The following MAGI3 variants were observed in gnomAD, a reference collection of about 807,000 sequenced individuals.
The protein encoded by MAGI3 is membrane associated guanylate kinase, WW and PDZ domain containing 3, also known as membrane-associated guanylate kinase, WW and PDZ domain-containing protein 3.
In MAGI3, 43 loss-of-function variants were observed where a neutral mutation model predicts 121.8. The ratio of observed to expected loss-of-function variants is 0.35; its 90% CI spans 0.28 to 0.46. The LOEUF (loss-of-function observed/expected upper bound fraction) is 0.46. Ranked by LOEUF, MAGI3 falls within the 20% of genes least tolerant of loss-of-function variation. MAGI3 has a pLI of 1.00. For synonymous variants in MAGI3, 553 were observed against 639.3 expected, an observed-to-expected ratio of 0.86 and a Z score of 2.04; for missense variants, 1,547 against 1,797.3, an observed-to-expected ratio of 0.86 and a Z score of 2.52.
At chr1:113,580,907 C>T (rs934282915) in intron 3 of MAGI3, 7 of 246,300 alleles carry the variant, frequency 2.8e-5, no homozygotes, top group African/African-American at 1.6e-4. Flanking sequence ...ATCAGCCAGA[C>T]TGGCCAGTTT....
intron 19 of MAGI3, among the ~76,000 whole-genome samples, chr1:113,676,036 T>TTC (rs144677656): frequency 3.3e-5 from 5 of 150,006 alleles, no homozygotes; most frequent in East Asian, 2.0e-4. Context: ...CTATCTTCTC[T>TTC]TCTCTCTCTC....
intron 9 of MAGI3, among the ~76,000 whole-genome samples, chr1:113,630,855 CA>C (rs1469546459): frequency 1.3e-5 from 2 of 152,154 alleles, no homozygotes; most frequent in Non-Finnish European, 1.5e-5. Flanking sequence ...TCGTAGGTTG[CA>C]GTCAGGTGTC....
At chr1:113,550,382 G>C (rs544205866) in intron 2 of MAGI3, among the ~76,000 whole-genome samples, 67 of 150,800 alleles carry the variant, frequency 4.4e-4, no homozygotes, top group Non-Finnish European at 8.1e-4. Context: ...CGCCACTGCA[G>C]TCCGGCCTGG....
intron 1 of MAGI3, among the ~76,000 whole-genome samples, chr1:113,464,952 TCTTTGCTTTGTGGTTGTTTC>T (rs1430083607): frequency 6.6e-6 from 1 of 152,180 alleles, no homozygotes; most frequent in Non-Finnish European, 1.5e-5. Context: ...GTGGGTTGTC[TCTTTGCTTTGTGGTTGTTTC>T]CTTTGCTGTC....
chr1:113,594,053 G>A (rs1002926732), intron 5 of MAGI3, among the ~76,000 whole-genome samples: 9 of 152,104 alleles, frequency 5.9e-5, no homozygotes, highest in Admixed American at 5.9e-4. Flanking sequence ...CAGTACCTAC[G>A]TATCACAGGC....
chr1:113,432,852 G>C (rs1372031830), intron 1 of MAGI3, among the ~76,000 whole-genome samples: 3 of 151,978 alleles, frequency 2.0e-5, no homozygotes, highest in Non-Finnish European at 4.4e-5. Context: ...AGTTTCTGTT[G>C]CTCCACATCC....
At chr1:113,532,961 C>T (rs537902473) in intron 1 of MAGI3, among the ~76,000 whole-genome samples, 1 of 152,288 alleles carries the variant, frequency 6.6e-6, no homozygotes, top group South Asian at 2.1e-4. Flanking sequence ...GCAGTAACTT[C>T]TGACATCCAT....
At chr1:113,594,324 A>G (rs1648865371) in intron 5 of MAGI3, among the ~76,000 whole-genome samples, 157 bp from the exon 6 acceptor site, 1 of 152,372 alleles carries the variant, frequency 6.6e-6, no homozygotes, top group Admixed American at 6.5e-5. Flanking sequence ...TAGACTGAGA[A>G]CAATAGGGTT....
chr1:113,607,180 C>T (rs1649825321), intron 6 of MAGI3, among the ~76,000 whole-genome samples: 1 of 152,090 alleles, frequency 6.6e-6, no homozygotes, highest in South Asian at 2.1e-4. Context: ...AATATTAGAA[C>T]TAATTTTTCA....
chr1:113,666,997 A>G (rs571653896), intron 16 of MAGI3, among the ~76,000 whole-genome samples: 1 of 152,340 alleles, frequency 6.6e-6, no homozygotes, highest in African/African-American at 2.4e-5. Context: ...AGTGGGATTA[A>G]ATTATTCAGT....
chr1:113,441,142 G>A (rs1366974864), intron 1 of MAGI3, among the ~76,000 whole-genome samples: 4 of 152,126 alleles, frequency 2.6e-5, no homozygotes, highest in South Asian at 2.1e-4. Flanking sequence ...GTCAACTTCC[G>A]GAAGATGATA....
Position 113,441,271 on chromosome 1 carries a change from C to A in MAGI3, c.316+49922C>A, listed in dbSNP as rs535412995. The stretch of plus-strand genomic sequence containing the variant: ...TATAGTTCTGCCTTCTACCCCTCAG[C>A]TTCCTATTATTGGAGCCTTCCACAA... On this transcript the variant is annotated intron_variant, in intron 1 of 20. Transcript: ENST00000307546. 2.0e-5 allele frequency among the ~76,000 whole-genome samples: 3 copies of A among 152,280 alleles called. No individual in the cohort carries two copies. The South Asian group carries it at 6.2e-4, about 32-fold the overall frequency.
At chr1:113,638,147 G>C (rs1319531287) in intron 9 of MAGI3, among the ~76,000 whole-genome samples, 1 of 152,130 alleles carries the variant, frequency 6.6e-6, no homozygotes, top group Non-Finnish European at 1.5e-5. Context: ...TTTTTTCAAA[G>C]TTTTTAACTT....
chr1:113,657,822 G>A (rs1305712823), intron 15 of MAGI3, among the ~76,000 whole-genome samples: 1 of 152,190 alleles, frequency 6.6e-6, no homozygotes, highest in Non-Finnish European at 1.5e-5. Flanking sequence ...ATAATTCAGA[G>A]CTAAAAGGCA....
At chr1:113,439,852 T>G (rs1653824437) in intron 1 of MAGI3, among the ~76,000 whole-genome samples, 1 of 150,960 alleles carries the variant, frequency 6.6e-6, no homozygotes, top group Non-Finnish European at 1.5e-5. Context: ...ATTAATTAAT[T>G]TCCCCAGTTA....
chr1:113,595,841 G>C (rs574559845), intron 6 of MAGI3, among the ~76,000 whole-genome samples: 2 of 152,220 alleles, frequency 1.3e-5, no homozygotes, highest in East Asian at 1.9e-4. Flanking sequence ...GAACAGCCTG[G>C]GCAACAGGGT....
At chr1:113,536,274 G>A (rs1336948000) in intron 1 of MAGI3, among the ~76,000 whole-genome samples, 3 of 151,878 alleles carry the variant, frequency 2.0e-5, no homozygotes, top group Admixed American at 6.6e-5. Flanking sequence ...GAGATACAGG[G>A]TTTGCCACTG....
intron 2 of MAGI3, among the ~76,000 whole-genome samples, chr1:113,574,228 C>T (rs998013455): frequency 6.6e-6 from 1 of 152,106 alleles, no homozygotes; most frequent in Non-Finnish European, 1.5e-5. Context: ...TAATTATATC[C>T]TGTCATCATG....
At chr1:113,598,583 CAA>C (rs1649167914) in intron 6 of MAGI3, among the ~76,000 whole-genome samples, 1 of 151,514 alleles carries the variant, frequency 6.6e-6, no homozygotes, top group South Asian at 2.1e-4. Flanking sequence ...AAAAAAAAGA[CAA>C]AGAAGGTCAT....
Sources: allele counts gnomAD v4.1 joint callset (sites outside exome capture counted in the v4.1 genomes callset), GRCh38; gene constraint gnomAD v4.1.1; transcripts MANE v1.5; gene names NCBI Gene and HGNC (gene_info 2026-07-23, HGNC 2026-07-21).